DNAJC18: variants seen among roughly 807,000 people sequenced by gnomAD.
DNAJC18 encodes the protein DnaJ heat shock protein family (Hsp40) member C18.
A neutral mutation model predicts 48.6 loss-of-function variants in DNAJC18; 40 were observed. The observed-to-expected ratio is 0.82, with a 90% CI of 0.64 to 1.07. DNAJC18 has a LOEUF of 1.07. Ranked by LOEUF, DNAJC18 falls within the 50% of genes least tolerant of loss-of-function variation. The probability of loss-of-function intolerance (pLI) is 0.00; values close to 1 mark genes in which losing one functional copy is unlikely to be tolerated. For synonymous variants in DNAJC18, 135 were observed against 152.2 expected (o/e 0.89, Z 0.83); for missense variants, 340 against 427.7 (o/e 0.79, Z 1.81).
rs753853128 is a variant in DNAJC18, at chr5:139,425,165, TTTTTC to T, written c.560-56_560-52del. ...ATATGGCAAACACTCCTTCCCTGCC[TTTTTC>T]TTTTTTTTTTGGAGATGGAGTTTTG... On this transcript the variant is annotated intron_variant, in intron 4 of 7. Transcript: ENST00000302060. 2.7e-6 allele frequency: 4 copies of T among 1,490,976 alleles called. No homozygotes were observed. The African/African-American group carries it at 5.6e-5, about 21-fold the overall frequency. 92.4% of individuals were successfully genotyped at this position (1,490,976 alleles called of 1,614,324 possible). A position where few individuals can be genotyped will look rare whatever the true frequency, so the allele number is the denominator to read the frequency against.
At chr5:139,428,018 C>T (rs1173510787) in intron 3 of DNAJC18, among the ~76,000 whole-genome samples, 1 of 152,192 alleles carries the variant, frequency 6.6e-6, no homozygotes, top group Non-Finnish European at 1.5e-5. Context: ...ACCTCTGGCT[C>T]AAGCAATCCT....
intron 2 of DNAJC18, 107 bp downstream of exon 2, chr5:139,437,265 T>C (rs754295250): frequency 2.2e-5 from 30 of 1,360,626 alleles, no homozygotes; most frequent in Non-Finnish European, 2.6e-5. Context: ...ATGCCTCAAT[T>C]ATCATCATCA....
rs60984025 is a variant in DNAJC18 at position 139,436,667 on chromosome 5, C to A, written c.227+705G>T. ...TACAGGTTGGTGCCATCATACCAAGCTAATTTTTGTATATATATATTTTTT... is the reference window on the plus strand; with the variant it reads ...TACAGGTTGGTGCCATCATACCAAGATAATTTTTGTATATATATATTTTTT... On this transcript the variant is annotated intron_variant, in intron 2 of 7. Coordinates refer to ENST00000302060, the MANE Select transcript of DNAJC18 (RefSeq NM_152686.4). Among the ~76,000 whole-genome samples, 407 of 151,696 alleles carry A rather than the reference C, an allele frequency of 2.7e-3. 1 individual carries two copies. The highest frequency in any genetic ancestry group is 9.5e-3 in the African/African-American group (393 of 41,338).
chr5:139,415,269 T>C (rs1006087523), intron 7 of DNAJC18, among the ~76,000 whole-genome samples: 1 of 152,354 alleles, frequency 6.6e-6, no homozygotes, highest in South Asian at 2.1e-4. Context: ...ATCAGCAAAC[T>C]GCCTGGAAAC....
intron 7 of DNAJC18, among the ~76,000 whole-genome samples, chr5:139,416,986 G>A (rs981445149): frequency 1.3e-5 from 2 of 152,106 alleles, no homozygotes; most frequent in African/African-American, 2.4e-5. Context: ...TCAGGAGTTC[G>A]AGACCAGCCT....
At chr5:139,421,623 T>G (rs1759154069) in intron 6 of DNAJC18, among the ~76,000 whole-genome samples, 1 of 151,964 alleles carries the variant, frequency 6.6e-6, no homozygotes, top group Non-Finnish European at 1.5e-5. Flanking sequence ...CTGGCCAACA[T>G]AGTGAAACCC....
rs149143931 is a variant in DNAJC18, at chr5:139,428,610, C to T, written c.301G>A (p.Ala101Thr). 718 of 1,613,972 alleles carry T rather than the reference C, an allele frequency of 4.4e-4. 1 individual carries two copies. The East Asian group carries it at 6.9e-3, about 16-fold the overall frequency. The part of the protein sequence containing the change: ...RDASDEELKK[A>T]YRKLALKFHP... ...AATTTCAGGGCGAGTTTTCTGTAAG[C>T]TTTCTTAAGCTCTTCGTCACTAGCA... The change falls in exon 3 of 8, where the codon GCT (alanine) becomes ACT (threonine). Residue 101 changes from alanine (A) to threonine (T), a missense_variant. Coordinates refer to ENST00000302060, the MANE Select transcript of DNAJC18 (RefSeq NM_152686.4).
intron 2 of DNAJC18, among the ~76,000 whole-genome samples, chr5:139,429,849 C>A (rs1759301910): frequency 6.6e-6 from 1 of 152,126 alleles, no homozygotes; most frequent in Admixed American, 6.5e-5. Context: ...ATCACTTAAG[C>A]CCAGGAGTTT....
At chr5:139,418,681 C>A in intron 7 of DNAJC18, 1 of 451,250 alleles carries the variant, frequency 2.2e-6, no homozygotes. Context: ...AAATAGGGGG[C>A]AGAGACCAGG....
intron 2 of DNAJC18, among the ~76,000 whole-genome samples, chr5:139,431,933 G>C (rs1759335324): frequency 6.6e-6 from 1 of 152,150 alleles, no homozygotes; most frequent in Non-Finnish European, 1.5e-5. Context: ...AATGACTAAA[G>C]ATGTTGAACA....
chr5:139,436,347 C>T (rs1750656973), intron 2 of DNAJC18, among the ~76,000 whole-genome samples: 1 of 150,748 alleles, frequency 6.6e-6, no homozygotes, highest in South Asian at 2.1e-4. Flanking sequence ...TCAGCACCCC[C>T]AAAGCTCTGG....
In DNAJC18 at chr5:139,436,987, T is replaced by A. The variant is rs150101318; in HGVS notation, c.227+385A>T. 2.2e-3 allele frequency among the ~76,000 whole-genome samples: 329 copies of A among 152,326 alleles called. 2 individuals are homozygous for A. The highest frequency in any genetic ancestry group is 7.6e-3 in the African/African-American group (318 of 41,574). On this transcript the variant is annotated intron_variant, in intron 2 of 7. Coordinates refer to ENST00000302060, the MANE Select transcript of DNAJC18 (RefSeq NM_152686.4). ...TCTCAAATTTCCCTTTGTTTTTGAT[T>A]TCAGAGAACATACACTGTATGATTT...
chr5:139,437,364 A>T lies in DNAJC18; in HGVS notation c.227+8T>A. 1 of 1,599,840 alleles carries T rather than the reference A, an allele frequency of 6.3e-7. No individual in the cohort carries two copies. Among genetic ancestry groups the T allele is most frequent in the Non-Finnish European group, 8.5e-7 (1 of 1,173,696 alleles). On this transcript the variant is annotated splice_region_variant and intron_variant, in intron 2 of 7. Transcript: ENST00000302060. ...AAAATCACTCATTTAATCTCACCAC[A>T]TGCTCACCTTTGTACCCCAAGCAGC...
At position 139,413,386 on chromosome 5, in the gene DNAJC18, C is replaced by T. The variant is rs1759022953; in HGVS notation, c.*762G>A. 1 of 152,696 alleles carries T rather than the reference C, an allele frequency of 6.5e-6. No individual in the cohort carries two copies. The highest frequency in any genetic ancestry group is 2.4e-5 in the African/African-American group (1 of 41,468). 9.5% of individuals were successfully genotyped at this position (152,696 alleles called of 1,614,324 possible). ...CAATGATGATACTGAGGGGAAATGACCGAAGGGACATTCTCTGGGTTCTAT... is the reference window on the plus strand; with the variant it reads ...CAATGATGATACTGAGGGGAAATGATCGAAGGGACATTCTCTGGGTTCTAT... On this transcript the variant is annotated 3_prime_UTR_variant, in exon 8 of 8. Transcript: ENST00000302060.
At chr5:139,421,528 G>A (rs1489095285) in intron 6 of DNAJC18, among the ~76,000 whole-genome samples, 6 of 151,282 alleles carry the variant, frequency 4.0e-5, no homozygotes, top group East Asian at 2.0e-4. Context: ...AATACTAGCC[G>A]GGCGCGATGG....
At chr5:139,424,463 C>T (rs1759202156) in intron 5 of DNAJC18, among the ~76,000 whole-genome samples, 1 of 152,074 alleles carries the variant, frequency 6.6e-6, no homozygotes, top group Admixed American at 6.5e-5. Flanking sequence ...AGCGGTGGCT[C>T]ATGCCTGTAA....
chr5:139,421,269 G>A (rs927563019), intron 6 of DNAJC18, among the ~76,000 whole-genome samples: 1 of 151,980 alleles, frequency 6.6e-6, no homozygotes, highest in African/African-American at 2.4e-5. Context: ...CCAACATGGT[G>A]AAACCCAGTC....
intron 7 of DNAJC18, 94 bp downstream of exon 7, chr5:139,419,959 C>T (rs1422822008): frequency 1.6e-6 from 2 of 1,272,184 alleles, no homozygotes; most frequent in South Asian, 1.7e-5. Context: ...ACATGCGTAG[C>T]CTCAAACAAG....
chr5:139,429,569 A>AT (rs1036496418), intron 2 of DNAJC18, among the ~76,000 whole-genome samples: 1 of 151,814 alleles, frequency 6.6e-6, no homozygotes, highest in Non-Finnish European at 1.5e-5. Flanking sequence ...AGTCCTCTCC[A>AT]TTTTTTTTCT....
Sources: gnomAD v4.1 joint callset for allele counts (sites outside exome capture counted in the v4.1 genomes callset) on GRCh38, gnomAD v4.1.1 for gene constraint, MANE v1.5 for transcripts, NCBI Gene and HGNC (gene_info 2026-07-23, HGNC 2026-07-21) for gene names.